ANO10: variants seen among roughly 807,000 people sequenced by gnomAD.
ANO10 encodes the protein anoctamin-10.
ANO10 carries 77 observed loss-of-function variants against 74.7 expected under a neutral mutation model. That is an observed-to-expected ratio of 1.03 (90% CI 0.86 to 1.25). ANO10 has a LOEUF of 1.25. Among genes scored for constraint, ANO10 ranks in the 50% most tolerant of loss-of-function variants. The probability of loss-of-function intolerance (pLI) is 0.00; values close to 1 mark genes in which losing one functional copy is unlikely to be tolerated. For missense variants in ANO10, 721 were observed against 778.1 expected, an observed-to-expected ratio of 0.93 and a Z score of 0.87; for synonymous variants, 279 against 284.9, an observed-to-expected ratio of 0.98 and a Z score of 0.21.
At chr3:43,557,734 CAAAAAAA>C (rs893586520) in intron 9 of ANO10, among the ~76,000 whole-genome samples, 10 of 43,330 alleles carry the variant, frequency 2.3e-4, no homozygotes, top group African/African-American at 7.7e-4. Flanking sequence ...GACTCTGTCT[CAAAAAAA>C]AAAAAAAAAA....
intron 1 of ANO10, among the ~76,000 whole-genome samples, chr3:43,647,362 C>T (rs2083738687): frequency 6.6e-6 from 1 of 152,012 alleles, no homozygotes; most frequent in South Asian, 2.1e-4. Flanking sequence ...GCCCCAGAGT[C>T]TGAAGGCTTG....
intron 1 of ANO10, chr3:43,691,024 C>G (rs369657976): frequency 6.4e-6 from 10 of 1,562,386 alleles, no homozygotes; most frequent in African/African-American, 2.8e-5. Context: ...GTGGACTCTG[C>G]CGACACCGGA....
At chr3:43,396,607 GAT>G (rs1325800889) in intron 12 of ANO10, among the ~76,000 whole-genome samples, 1 of 152,090 alleles carries the variant, frequency 6.6e-6, no homozygotes, top group Non-Finnish European at 1.5e-5. Context: ...AAAGTGCTGG[GAT>G]TACAGGTATG....
chr3:43,561,219 C>T lies in ANO10; in HGVS notation c.1476+1G>A, dbSNP rs761213683. 2 of 1,613,976 alleles carry T rather than the reference C, an allele frequency of 1.2e-6. No homozygotes were observed. The highest frequency in any genetic ancestry group is 1.7e-6 in the Non-Finnish European group (2 of 1,179,836). ...TTTAATTCAGCAATATTCCAACTTA[C>T]CAAATAAGTTCCCATTTCTTTTTCC... On this transcript the variant is annotated splice_donor_variant, in intron 9 of 12. Coordinates refer to ENST00000292246, the MANE Select transcript of ANO10 (RefSeq NM_018075.5). LOFTEE classifies it high-confidence loss of function.
At chr3:43,546,580 A>C (rs2079201518) in intron 11 of ANO10, among the ~76,000 whole-genome samples, 1 of 152,200 alleles carries the variant, frequency 6.6e-6, no homozygotes, top group African/African-American at 2.4e-5. Context: ...CACATGCAAA[A>C]GAAATACAAG....
intron 12 of ANO10, among the ~76,000 whole-genome samples, chr3:43,415,553 T>C (rs2092725474): frequency 6.6e-6 from 1 of 152,004 alleles, no homozygotes; most frequent in Non-Finnish European, 1.5e-5. Flanking sequence ...TTCTTTTTTT[T>C]TTGAGATGTA....
chr3:43,581,110 G>A (rs72865095), intron 4 of ANO10, among the ~76,000 whole-genome samples: 13,950 of 152,122 alleles, frequency 0.092, 1,001 homozygotes, highest in African/African-American at 0.2. Context: ...AGGTCCAAGG[G>A]CATAGTATTT....
Position 43,580,358 on chromosome 3 carries a change from G to A in ANO10, c.587C>T (p.Pro196Leu). ...GAACAAGTACTGACACATACCTATG[G>A]GCTGATACTTCAAAGCAAACCGAGT... ...WYTRFALKYQPIDSIRGYFGE... is the reference protein window; with the variant it reads ...WYTRFALKYQLIDSIRGYFGE... Residue 196 changes from proline (P) to leucine (L), a missense_variant, in exon 5 of 13, where the codon CCC (proline) becomes CTC (leucine). Physicochemically the swap from Pro to Leu is moderately conservative, Grantham distance 98 (BLOSUM62 -3). Coordinates refer to ENST00000292246, the MANE Select transcript of ANO10 (RefSeq NM_018075.5). 1.2e-6 allele frequency: 2 copies of A among 1,613,802 alleles called. No individual in the cohort carries two copies. Among genetic ancestry groups the A allele is most frequent in the Middle Eastern group, 3.3e-4 (2 of 6,060 alleles).
At chr3:43,673,676 T>A (rs1248268809) in intron 1 of ANO10, among the ~76,000 whole-genome samples, 1 of 152,160 alleles carries the variant, frequency 6.6e-6, no homozygotes, top group Non-Finnish European at 1.5e-5. Context: ...ATATCTTTTT[T>A]AAAAAAACAC....
chr3:43,672,911 G>T (rs2084077109), intron 1 of ANO10, among the ~76,000 whole-genome samples: 1 of 152,168 alleles, frequency 6.6e-6, no homozygotes, highest in South Asian at 2.1e-4. Flanking sequence ...AAGTTCCAAG[G>T]TTTAATATCC....
chr3:43,457,982 A>C (rs985398403), intron 11 of ANO10, among the ~76,000 whole-genome samples: 2 of 151,672 alleles, frequency 1.3e-5, no homozygotes, highest in Admixed American at 1.3e-4. Flanking sequence ...TTTGTGTGGG[A>C]TCTTGGAATA....
At chr3:43,464,067 G>C (rs2075506570) in intron 11 of ANO10, among the ~76,000 whole-genome samples, 1 of 152,118 alleles carries the variant, frequency 6.6e-6, no homozygotes, top group Non-Finnish European at 1.5e-5. Flanking sequence ...CCATGATCAT[G>C]AGGCTTCCTC....
chr3:43,495,125 C>A (rs2076867964), intron 11 of ANO10, among the ~76,000 whole-genome samples: 1 of 151,730 alleles, frequency 6.6e-6, no homozygotes, highest in Non-Finnish European at 1.5e-5. Flanking sequence ...AAAAGTAGGA[C>A]TTTAGGTTAC....
intron 1 of ANO10, among the ~76,000 whole-genome samples, chr3:43,617,358 T>A (rs1199608575): frequency 6.6e-6 from 1 of 152,050 alleles, no homozygotes; most frequent in African/African-American, 2.4e-5. Context: ...TGATCGGGAC[T>A]CTCAGCCAGG....
At position 43,617,266 on chromosome 3, in the gene ANO10, C is replaced by G. The variant is rs933057251; in HGVS notation, c.-12+4643G>C. Reference sequence around the variant, plus strand: ...CCTTATGGTTCCAGTTGGGGCCAATCTAAAAACAATGATTTGACCATACAG... The same window carrying G: ...CCTTATGGTTCCAGTTGGGGCCAATGTAAAAACAATGATTTGACCATACAG... On this transcript the variant is annotated intron_variant, in intron 1 of 12. Coordinates refer to ENST00000292246, the MANE Select transcript of ANO10 (RefSeq NM_018075.5). 2.6e-5 allele frequency among the ~76,000 whole-genome samples: 4 copies of G among 151,516 alleles called. 1 individual carries two copies. The highest frequency in any genetic ancestry group is 4.2e-4 in the South Asian group (2 of 4,752).
At chr3:43,439,876 T>C (rs2093133919) in intron 11 of ANO10, among the ~76,000 whole-genome samples, 1 of 152,114 alleles carries the variant, frequency 6.6e-6, no homozygotes, top group Admixed American at 6.5e-5. Context: ...AGTGAGACCC[T>C]GTCTCAAAAA....
chr3:43,470,393 GC>G (rs1338701197), intron 11 of ANO10, among the ~76,000 whole-genome samples: 8 of 152,002 alleles, frequency 5.3e-5, no homozygotes, highest in African/African-American at 1.9e-4. Flanking sequence ...TCGTTCTGTC[GC>G]CCAGGCTGGA....
At chr3:43,397,420 G>A (rs146512678) in intron 12 of ANO10, among the ~76,000 whole-genome samples, 89 of 152,216 alleles carry the variant, frequency 5.8e-4, no homozygotes, top group African/African-American at 1.8e-3. Context: ...GGCGGGGGGC[G>A]TATATTTATA....
chr3:43,434,399 T>C (rs1051085783), intron 11 of ANO10, among the ~76,000 whole-genome samples: 2 of 152,248 alleles, frequency 1.3e-5, no homozygotes, highest in African/African-American at 4.8e-5. Context: ...GAAAAGGCTA[T>C]GCTGTACTGT....
Sources: gnomAD v4.1 joint callset for allele counts (sites outside exome capture counted in the v4.1 genomes callset) on GRCh38, gnomAD v4.1.1 for gene constraint, MANE v1.5 for transcripts, NCBI Gene and HGNC (gene_info 2026-07-23, HGNC 2026-07-21) for gene names.